Variants in SLIT1 observed in about 807,000 individuals in gnomAD.
SLIT1 encodes the protein slit homolog 1 protein.
Under a neutral mutation model 186.1 loss-of-function variants are expected in SLIT1, and 66 were observed. The ratio of observed to expected loss-of-function variants is 0.35; its 90% CI spans 0.29 to 0.44. SLIT1 has a LOEUF of 0.44. Ranked by LOEUF, SLIT1 falls within the 20% of genes least tolerant of loss-of-function variation. The pLI, the probability that SLIT1 is intolerant of heterozygous loss-of-function variation, is 1.00. For synonymous variants in SLIT1, 761 were observed against 833.8 expected, an observed-to-expected ratio of 0.91 and a Z score of 1.50; for missense variants, 1,638 against 2,037.4, an observed-to-expected ratio of 0.80 and a Z score of 3.77.
At position 97,013,809 on chromosome 10, in the gene SLIT1, G is replaced by A. The variant is rs2134594170; in HGVS notation, c.3135C>T (p.Asp1045=). 1 of 1,551,672 alleles carries A rather than the reference G, an allele frequency of 6.4e-7. No homozygotes were observed. The highest frequency in any genetic ancestry group is 2.4e-5 in the East Asian group (1 of 40,924). The part of the protein sequence containing the change: ...YEGKACEQLV[D]LCSPDLNPCQ... ...ATGGGTTCAGATCCGGAGAGCACAA[G>A]TCCACCAGCTGCTCACAGGCCTTTC... Residue 1045 remains aspartate (D), a synonymous_variant, in exon 30 of 37, where the codon GAC becomes GAT. Transcript: ENST00000266058.
chr10:97,149,950 G>T (rs759742490), intron 4 of SLIT1, among the ~76,000 whole-genome samples: 1 of 152,226 alleles, frequency 6.6e-6, no homozygotes, highest in Non-Finnish European at 1.5e-5. Flanking sequence ...AGTCCTTGAC[G>T]AAGGACTCTG....
chr10:97,139,462 C>G (rs1849736463), intron 4 of SLIT1, among the ~76,000 whole-genome samples: 1 of 152,112 alleles, frequency 6.6e-6, no homozygotes, highest in South Asian at 2.1e-4. Context: ...TAAAAAGTGG[C>G]TTTGCTTTTT....
intron 18 of SLIT1, among the ~76,000 whole-genome samples, chr10:97,046,241 ATC>A (rs1348699183): frequency 6.6e-6 from 1 of 152,142 alleles, no homozygotes; most frequent in African/African-American, 2.4e-5. Context: ...GGATCCTAGC[ATC>A]TCAGGGACAG....
Position 97,105,181 on chromosome 10 carries a change from C to T in SLIT1, c.414-39095G>A, listed in dbSNP as rs369180560. ...TAGAAAGAAGGGGGGCATGCTCCTT[C>T]CTTAACATAAAAAAGTCAGCAGGAA... is the stretch of plus-strand genomic sequence containing the variant. On this transcript the variant is annotated intron_variant, in intron 4 of 36. Coordinates refer to ENST00000266058, the MANE Select transcript of SLIT1 (RefSeq NM_003061.3). Among the ~76,000 whole-genome samples, 42 of 152,314 alleles carry T rather than the reference C, an allele frequency of 2.8e-4. No homozygotes were observed. In the South Asian group the frequency reaches 8.7e-3, roughly 32 times the overall value.
intron 4 of SLIT1, among the ~76,000 whole-genome samples, chr10:97,099,010 T>C (rs578127729): frequency 3.9e-5 from 6 of 152,188 alleles, no homozygotes; most frequent in East Asian, 3.9e-4. Context: ...CAGGCAGGGA[T>C]GTTAGGGGAC....
chr10:97,102,490 G>A (rs1387851640), intron 4 of SLIT1: 1 of 151,458 alleles, frequency 6.6e-6, no homozygotes, highest in East Asian at 1.9e-4. Flanking sequence ...CTGCGGGGAG[G>A]CACTGCAGGG....
In SLIT1 at chr10:97,126,327, G is replaced by A. The variant is rs149887268; in HGVS notation, c.413+31491C>T. 1.1e-3 allele frequency among the ~76,000 whole-genome samples: 171 copies of A among 152,290 alleles called. 1 individual carries two copies. Among genetic ancestry groups the A allele is most frequent in the African/African-American group, 3.8e-3 (157 of 41,552 alleles). On this transcript the variant is annotated intron_variant, in intron 4 of 36. Coordinates refer to ENST00000266058, the MANE Select transcript of SLIT1 (RefSeq NM_003061.3). ...TGTCTCTTAGAGACGAAGACCCCAC[G>A]GGGTGAACAATGAATCGGATGCAGC... is the stretch of plus-strand genomic sequence containing the variant.
At chr10:97,104,765 TA>T (rs1849396396) in intron 4 of SLIT1, among the ~76,000 whole-genome samples, 1 of 152,162 alleles carries the variant, frequency 6.6e-6, no homozygotes, top group Non-Finnish European at 1.5e-5. Context: ...CCTGAAGTCC[TA>T]CCCAACGTCA....
chr10:97,113,948 C>T (rs953525922), intron 4 of SLIT1, among the ~76,000 whole-genome samples: 4 of 152,168 alleles, frequency 2.6e-5, no homozygotes, highest in Non-Finnish European at 5.9e-5. Flanking sequence ...TTACTACACT[C>T]CCAGGTGGGG....
At chr10:97,029,083 T>C (rs1848569761) in intron 25 of SLIT1, among the ~76,000 whole-genome samples, 1 of 152,086 alleles carries the variant, frequency 6.6e-6, no homozygotes. Context: ...CACTTCCCGG[T>C]TCAATCATGG....
rs181061823 is a variant in SLIT1, at chr10:97,123,663, G to A, written c.413+34155C>T. 7.9e-5 allele frequency among the ~76,000 whole-genome samples: 12 copies of A among 152,100 alleles called. No homozygotes were observed. The East Asian group carries it at 1.9e-3, about 25-fold the overall frequency. ...AAATTAGCTGGGCATGGTGGCAGGC[G>A]CCTGTAATCCCAGCTACTCGAGAGG... On this transcript the variant is annotated intron_variant, in intron 4 of 36. Coordinates refer to ENST00000266058, the MANE Select transcript of SLIT1 (RefSeq NM_003061.3).
Position 97,006,902 on chromosome 10 carries a change from G to T in SLIT1, c.3342-182C>A, listed in dbSNP as rs774172429. 6.6e-6 allele frequency among the ~76,000 whole-genome samples: 1 copy of T among 152,212 alleles called. No homozygotes were observed. Among genetic ancestry groups the T allele is most frequent in the Non-Finnish European group, 1.5e-5 (1 of 68,046 alleles). On this transcript the variant is annotated intron_variant, in intron 31 of 36. Coordinates refer to ENST00000266058, the MANE Select transcript of SLIT1 (RefSeq NM_003061.3). The surrounding 1 kb of genome is among the most constrained non-coding windows in gnomAD (Gnocchi z 4.0). ...GAGCCAGAAGGATACCAGGATACAAGTATGGTCCCTGGTCCAGCAGCGTCA... is the reference window on the plus strand; with the variant it reads ...GAGCCAGAAGGATACCAGGATACAATTATGGTCCCTGGTCCAGCAGCGTCA...
chr10:97,057,904 G>A (rs1848855835), intron 11 of SLIT1: 3 of 696,188 alleles, frequency 4.3e-6, no homozygotes, highest in African/African-American at 1.8e-5. Flanking sequence ...TGGGGAGGGG[G>A]GTTGTATGCC....
chr10:97,166,679 GA>G (rs1358852970), intron 1 of SLIT1, among the ~76,000 whole-genome samples: 3 of 151,700 alleles, frequency 2.0e-5, no homozygotes, highest in Admixed American at 6.6e-5. Flanking sequence ...AAAGAAAAAA[GA>G]AAAAAGAAAG....
At chr10:97,134,463 T>C (rs1849683139) in intron 4 of SLIT1, among the ~76,000 whole-genome samples, 2 of 152,088 alleles carry the variant, frequency 1.3e-5, no homozygotes, top group Admixed American at 1.3e-4. Flanking sequence ...TCTGCGCCCC[T>C]GGGTAGGAGC....
At chr10:97,031,554 G>A (rs79417584) in intron 24 of SLIT1, 52 bp downstream of exon 24, 5 of 1,430,836 alleles carry the variant, frequency 3.5e-6, no homozygotes, top group Non-Finnish European at 3.8e-6. Flanking sequence ...GTGGGTGGCA[G>A]GACCCTCAGT....
intron 4 of SLIT1, among the ~76,000 whole-genome samples, chr10:97,089,728 C>T (rs928182366): frequency 2.0e-5 from 3 of 151,734 alleles, no homozygotes; most frequent in African/African-American, 4.8e-5. Context: ...CCAGCAGGGA[C>T]GGCCTGTCAT....
At chr10:97,072,524 C>T (rs1849009466) in intron 4 of SLIT1, among the ~76,000 whole-genome samples, 1 of 151,168 alleles carries the variant, frequency 6.6e-6, no homozygotes, top group Admixed American at 6.6e-5. Flanking sequence ...ACACAGCCCC[C>T]AGGCAGGCAG....
chr10:97,072,199 C>T (rs1798202706), intron 4 of SLIT1, among the ~76,000 whole-genome samples: 2 of 152,222 alleles, frequency 1.3e-5, no homozygotes, highest in Non-Finnish European at 2.9e-5. Context: ...CACTCTGTCA[C>T]TCAGGCTGGA....
Sources: allele counts gnomAD v4.1 joint callset (sites outside exome capture counted in the v4.1 genomes callset), GRCh38; gene constraint gnomAD v4.1.1; non-coding constraint Gnocchi (gnomAD v3.1); transcripts MANE v1.5; gene names NCBI Gene and HGNC (gene_info 2026-07-23, HGNC 2026-07-21).